Variants in RAI1 observed in about 807,000 individuals in gnomAD.
The protein encoded by RAI1 is retinoic acid induced 1, also known as retinoic acid-induced protein 1.
In RAI1, 9 loss-of-function variants were observed where a neutral mutation model predicts 123.8. The observed-to-expected ratio is 0.07, with a 90% CI of 0.04 to 0.13. The LOEUF (loss-of-function observed/expected upper bound fraction) is 0.13. RAI1 is among the 10% of genes least tolerant of loss of function. The probability of loss-of-function intolerance (pLI) is 1.00; values close to 1 mark genes in which losing one functional copy is unlikely to be tolerated. For missense variants in RAI1, 2,256 were observed against 2,545.8 expected (o/e 0.89, Z 2.45); for synonymous variants, 1,231 against 1,127.3 (o/e 1.09, Z -1.84).
chr17:17,807,782 A>G (rs2032623466), intron 4 of RAI1, among the ~76,000 whole-genome samples: 1 of 152,172 alleles, frequency 6.6e-6, no homozygotes, highest in African/African-American at 2.4e-5. Flanking sequence ...ATTTTAGCCT[A>G]GTGTCTTTGG....
At chr17:17,804,500 T>C (rs1288861416) in intron 4 of RAI1, among the ~76,000 whole-genome samples, 2 of 152,210 alleles carry the variant, frequency 1.3e-5, no homozygotes, top group Non-Finnish European at 2.9e-5. Flanking sequence ...CCCTTACCTT[T>C]ATCGACCAGG....
chr17:17,783,635 C>T (rs1032388937), intron 2 of RAI1, among the ~76,000 whole-genome samples: 35 of 152,176 alleles, frequency 2.3e-4, no homozygotes, highest in Admixed American at 1.6e-3. Context: ...CCGCGTTAAC[C>T]CTGCTCGCGC....
At chr17:17,729,242 G>T (rs1455050906) in intron 2 of RAI1, among the ~76,000 whole-genome samples, 1 of 152,232 alleles carries the variant, frequency 6.6e-6, no homozygotes, top group African/African-American at 2.4e-5. Flanking sequence ...GCCTGGTCAC[G>T]CTGGGCCTTG....
At chr17:17,682,919 G>A (rs1914490622) in intron 1 of RAI1, among the ~76,000 whole-genome samples, 2 of 152,128 alleles carry the variant, frequency 1.3e-5, no homozygotes, top group Admixed American at 1.3e-4. Context: ...GGGGGCTGGG[G>A]GAGGGGAGGC....
intron 1 of RAI1, chr17:17,684,733 A>G (rs1914573176): frequency 6.7e-6 from 1 of 148,494 alleles, no homozygotes; most frequent in African/African-American, 2.5e-5. Flanking sequence ...TATTACATAT[A>G]CCAATCCATG....
At chr17:17,703,285 C>T (rs1046463445) in intron 1 of RAI1, among the ~76,000 whole-genome samples, 9 of 152,152 alleles carry the variant, frequency 5.9e-5, no homozygotes, top group South Asian at 2.1e-4. Flanking sequence ...CCTACTGCCC[C>T]GCTGGGAGGC....
intron 2 of RAI1, among the ~76,000 whole-genome samples, chr17:17,745,844 G>A (rs1166156354): frequency 3.9e-5 from 6 of 152,226 alleles, no homozygotes. Context: ...GTGGCCAGCG[G>A]GTGGAGGAAG....
Position 17,793,208 on chromosome 17 carries a change from C to T in RAI1, c.260C>T (p.Thr87Ile), listed in dbSNP as rs1479297079. The T allele has an allele frequency of 4.3e-6, 7 of 1,612,514 alleles. No individual in the cohort carries two copies. Among genetic ancestry groups the T allele is most frequent in the Non-Finnish European group, 5.9e-6 (7 of 1,179,596 alleles). ...CACCGAGGCAGCAAGGCCCTGCCCA[C>T]ACAGCAAGGCCTGCAGGGGAGGCCG... is the stretch of plus-strand genomic sequence containing the variant. The part of the protein sequence containing the change: ...KYHRGSKALP[T>I]QQGLQGRPAF... The change falls in exon 3 of 6, where the codon ACA (threonine) becomes ATA (isoleucine). Residue 87 changes from threonine (T) to isoleucine (I), a missense_variant. Physicochemically the swap from Thr to Ile is moderately conservative, Grantham distance 89. Transcript: ENST00000353383.
intron 4 of RAI1, 49 bp downstream of exon 4, chr17:17,803,898 T>C: frequency 6.4e-7 from 1 of 1,556,722 alleles, no homozygotes; most frequent in East Asian, 2.2e-5. Flanking sequence ...ATCCAAGCAG[T>C]CCAGGGGGAC....
intron 2 of RAI1, among the ~76,000 whole-genome samples, chr17:17,789,580 C>T (rs527462778): frequency 1.3e-5 from 2 of 152,290 alleles, no homozygotes; most frequent in Admixed American, 1.3e-4. Flanking sequence ...CAAGGGGAAT[C>T]CTGATGCCCT....
At position 17,714,025 on chromosome 17, in the gene RAI1, C is replaced by T. The variant is rs762387240; in HGVS notation, c.-148-10003C>T. 2.0e-5 allele frequency among the ~76,000 whole-genome samples: 3 copies of T among 152,218 alleles called. No homozygotes were observed. The highest frequency in any genetic ancestry group is 2.9e-5 in the Non-Finnish European group (2 of 68,018). On this transcript the variant is annotated intron_variant, in intron 1 of 5. Coordinates refer to ENST00000353383, the MANE Select transcript of RAI1 (RefSeq NM_030665.4). The surrounding 1 kb of genome is among the most constrained non-coding windows in gnomAD (Gnocchi z 4.9). ...GCCCTCCCCTGGAGAGTGTCCCAGC[C>T]GCCCACGATGCCTCCACCCAGAGGC...
At position 17,800,511 on chromosome 17, in the gene RAI1, C is replaced by A. The variant is rs1330615996; in HGVS notation, c.5565+1998C>A. 6.6e-6 allele frequency among the ~76,000 whole-genome samples: 1 copy of A among 152,222 alleles called. No homozygotes were observed. Among genetic ancestry groups the A allele is most frequent in the African/African-American group, 2.4e-5 (1 of 41,466 alleles). ...GGTCAGCCCCGAGCACCGACCACCC[C>A]ATCCTGTCCCTGGCCCATGGGTGTC... On this transcript the variant is annotated intron_variant, in intron 3 of 5. Coordinates refer to ENST00000353383, the MANE Select transcript of RAI1 (RefSeq NM_030665.4). The surrounding 1 kb of genome is among the most constrained non-coding windows in gnomAD (Gnocchi z 4.7).
chr17:17,782,498 G>T (rs1598077638), intron 2 of RAI1, among the ~76,000 whole-genome samples: 1 of 151,544 alleles, frequency 6.6e-6, no homozygotes, highest in African/African-American at 2.4e-5. Flanking sequence ...GTCGGTGGGT[G>T]CCCCCTCCCC....
At chr17:17,769,268 G>A (rs2031053634) in intron 2 of RAI1, among the ~76,000 whole-genome samples, 1 of 152,188 alleles carries the variant, frequency 6.6e-6, no homozygotes, top group Admixed American at 6.5e-5. Flanking sequence ...GGAGGTGCTG[G>A]ATGCCAGAGT....
chr17:17,765,457 T>A (rs548586733), intron 2 of RAI1, among the ~76,000 whole-genome samples: 2 of 152,352 alleles, frequency 1.3e-5, no homozygotes, highest in South Asian at 4.1e-4. Context: ...ACACACAAGA[T>A]GAAAATCGTG....
intron 2 of RAI1, among the ~76,000 whole-genome samples, chr17:17,773,270 CG>C (rs2031229766): frequency 6.6e-6 from 1 of 152,154 alleles, no homozygotes; most frequent in African/African-American, 2.4e-5. Flanking sequence ...CTGTGCCCAG[CG>C]TGGAGGCTCA....
At chr17:17,711,449 G>T (rs1402169422) in intron 1 of RAI1, among the ~76,000 whole-genome samples, 1 of 152,208 alleles carries the variant, frequency 6.6e-6, no homozygotes, top group African/African-American at 2.4e-5. Flanking sequence ...GCGGGTGCTT[G>T]CCATTCAGTC....
At chr17:17,735,062 T>A (rs1916384730) in intron 2 of RAI1, among the ~76,000 whole-genome samples, 1 of 152,146 alleles carries the variant, frequency 6.6e-6, no homozygotes, top group African/African-American at 2.4e-5. Flanking sequence ...CTTACTTTTT[T>A]TTTTTTTCGA....
intron 2 of RAI1, among the ~76,000 whole-genome samples, chr17:17,789,858 G>C (rs1420736290): frequency 6.6e-6 from 1 of 152,178 alleles, no homozygotes; most frequent in Non-Finnish European, 1.5e-5. Context: ...CGGGCAGTGT[G>C]GTTGAGCTGG....
Sources: gnomAD v4.1 joint callset for allele counts (sites outside exome capture counted in the v4.1 genomes callset) on GRCh38, gnomAD v4.1.1 for gene constraint, Gnocchi (gnomAD v3.1) non-coding constraint, MANE v1.5 for transcripts, NCBI Gene and HGNC (gene_info 2026-07-23, HGNC 2026-07-21) for gene names.